Variants in DCHS2 observed in about 807,000 individuals in gnomAD.
DCHS2 encodes dachsous cadherin-related 2, also known as protocadherin-23.
Under a neutral mutation model 182.4 loss-of-function variants are expected in DCHS2, and 142 were observed. That is an observed-to-expected ratio of 0.78 (90% CI 0.68 to 0.89). DCHS2 has a LOEUF of 0.89. Ranked by LOEUF, DCHS2 falls within the 40% of genes least tolerant of loss-of-function variation. The pLI is 0.00. For synonymous variants in DCHS2, 1,740 were observed against 1,663.3 expected (o/e 1.05, Z -1.12); for missense variants, 4,319 against 4,198.6 (o/e 1.03, Z -0.79).
chr4:154,242,401 AGATACTATAAGG>A (rs927514946), intron 17 of DCHS2, among the ~76,000 whole-genome samples: 7 of 152,194 alleles, frequency 4.6e-5, no homozygotes, highest in African/African-American at 1.7e-4. Flanking sequence ...CATTATAAAC[AGATACTATAAGG>A]GATGATGGTT....
At chr4:154,351,949 A>G (rs1729637846) in intron 3 of DCHS2, among the ~76,000 whole-genome samples, 1 of 152,002 alleles carries the variant, frequency 6.6e-6, no homozygotes. Context: ...GCATTTTGCT[A>G]TTTCTATGAA....
At chr4:154,326,611 T>C (rs2111348908) in intron 7 of DCHS2, among the ~76,000 whole-genome samples, 1 of 152,316 alleles carries the variant, frequency 6.6e-6, no homozygotes, top group African/African-American at 2.4e-5. Flanking sequence ...AGAGTAGAGA[T>C]ATTTTTCCTT....
At chr4:154,415,693 G>A (rs1022104285) in intron 1 of DCHS2, among the ~76,000 whole-genome samples, 5 of 152,156 alleles carry the variant, frequency 3.3e-5, no homozygotes, top group African/African-American at 1.2e-4. Flanking sequence ...GCGTCAGTAA[G>A]ATGGAGCTAA....
chr4:154,252,253 A>G (rs1420055086), intron 16 of DCHS2, among the ~76,000 whole-genome samples: 1 of 152,210 alleles, frequency 6.6e-6, no homozygotes, highest in Non-Finnish European at 1.5e-5. Context: ...TGCAATGTGT[A>G]TCAATTACAT....
At chr4:154,351,616 C>T (rs186986413) in intron 3 of DCHS2, among the ~76,000 whole-genome samples, 11 of 152,212 alleles carry the variant, frequency 7.2e-5, no homozygotes, top group African/African-American at 2.4e-4. Context: ...GGACCGGTTT[C>T]GTGGAAGACA....
In DCHS2 at chr4:154,329,536, T is replaced by C; in HGVS notation, c.3905A>G (p.Glu1302Gly). ...TTCTTCACAAACCTTCACGTGTAAC[T>C]CCTTTCCAGGGAGACACTGGGGGAA... ...PFFPQCLPGK[E>G]LHVKVLEGQP... Residue 1302 changes from glutamate (E) to glycine (G), a missense_variant, in exon 6 of 20, where the codon GAG (glutamate) becomes GGG (glycine). Coordinates refer to ENST00000357232, the MANE Select transcript of DCHS2 (RefSeq NM_001358235.2). The C allele has an allele frequency of 1.2e-6, 2 of 1,613,426 alleles. No individual in the cohort carries two copies. The highest frequency in any genetic ancestry group is 1.7e-6 in the Non-Finnish European group (2 of 1,179,662).
intron 3 of DCHS2, among the ~76,000 whole-genome samples, chr4:154,342,817 A>T (rs1729170954): frequency 1.3e-5 from 2 of 152,180 alleles, no homozygotes; most frequent in African/African-American, 4.8e-5. Flanking sequence ...CATGAATCAC[A>T]AATGTTCTTA....
intron 2 of DCHS2, among the ~76,000 whole-genome samples, chr4:154,369,392 G>A (rs1293148258): frequency 1.3e-5 from 2 of 152,220 alleles, no homozygotes; most frequent in African/African-American, 4.8e-5. Flanking sequence ...CTCTTTGAAA[G>A]AAACATATTG....
intron 4 of DCHS2, 193 bp downstream of exon 4, chr4:154,334,675 G>T: frequency 5.5e-6 from 3 of 549,396 alleles, no homozygotes; most frequent in Non-Finnish European, 9.7e-6. Flanking sequence ...TTATTTTTGT[G>T]ATCAGAAAAA....
Position 154,259,562 on chromosome 4 carries a change from T to G in DCHS2, c.6772A>C (p.Asn2258His). 2.5e-6 allele frequency: 4 copies of G among 1,613,858 alleles called. No homozygotes were observed. Among genetic ancestry groups the G allele is most frequent in the Non-Finnish European group, 3.4e-6 (4 of 1,179,984 alleles). Reference protein sequence around the residue: ...QASVSESQLYNAHVIQVFATD... With the variant: ...QASVSESQLYHAHVIQVFATD... ...TCTGTTACCTGTATGACATGAGCAT[T>G]GTAGAGTTGGCTTTCAGACACTGAT... is the stretch of plus-strand genomic sequence containing the variant. The change falls in exon 15 of 20, where the codon AAT (asparagine) becomes CAT (histidine). Residue 2258 changes from asparagine (N) to histidine (H), a missense_variant. By Grantham distance (68) the Asn-to-His change is moderately conservative (BLOSUM62 1). Coordinates refer to ENST00000357232, the MANE Select transcript of DCHS2 (RefSeq NM_001358235.2).
In DCHS2 at chr4:154,489,293, G is replaced by A; in HGVS notation, c.2052+11C>T. ...AGCCTTCAGGTTGGCCCACAGGCCT[G>A]ATGCACTCACCTGCAGAAAGCAGTG... On this transcript the variant is annotated intron_variant, in intron 1 of 19. Transcript: ENST00000357232. The A allele has an allele frequency of 6.7e-7, 1 of 1,500,132 alleles. No individual in the cohort carries two copies. Among genetic ancestry groups the A allele is most frequent in the Non-Finnish European group, 9.0e-7 (1 of 1,116,318 alleles). The allele number at this position is 1,500,132 out of a possible 1,614,324, so 92.9% of individuals were successfully genotyped here.
intron 10 of DCHS2, among the ~76,000 whole-genome samples, chr4:154,314,555 T>G (rs921678087): frequency 2.0e-5 from 3 of 152,164 alleles, no homozygotes; most frequent in Non-Finnish European, 4.4e-5. Flanking sequence ...ATGCATTTCA[T>G]TAAAAGACAG....
intron 1 of DCHS2, among the ~76,000 whole-genome samples, chr4:154,467,353 A>G (rs1286920835): frequency 6.6e-6 from 1 of 152,180 alleles, no homozygotes; most frequent in African/African-American, 2.4e-5. Flanking sequence ...CCAGGCATGA[A>G]ATGATACCAG....
At chr4:154,325,071 CA>C in intron 7 of DCHS2, among the ~76,000 whole-genome samples, 1 of 152,112 alleles carries the variant, frequency 6.6e-6, no homozygotes, top group South Asian at 2.1e-4. Context: ...CGATGAACAC[CA>C]AAGTATCACT....
Position 154,298,606 on chromosome 4 carries a change from A to T in DCHS2, c.5708T>A (p.Ile1903Asn). 1 of 1,614,122 alleles carries T rather than the reference A, an allele frequency of 6.2e-7. No individual in the cohort carries two copies. ...TGGATCTCCCAGGTCAGAGCACAGA[A>T]TGACAAGGGTAAAATTGCTGATTTG... ...REQISNFTLVILCSDLGDPPR... is the reference protein window; with the variant it reads ...REQISNFTLVNLCSDLGDPPR... The change falls in exon 13 of 20, where the codon ATT becomes AAT. Residue 1903 changes from isoleucine (I) to asparagine (N), a missense_variant. Ile to Asn is a moderately radical substitution (Grantham distance 149, BLOSUM62 -3). Transcript: ENST00000357232.
chr4:154,449,404 C>G (rs1734441490), intron 1 of DCHS2, among the ~76,000 whole-genome samples: 1 of 150,772 alleles, frequency 6.6e-6, no homozygotes, highest in Admixed American at 6.6e-5. Context: ...AGACAGTGTT[C>G]CTGTCGCTCA....
chr4:154,451,361 C>T (rs1364882646), intron 1 of DCHS2, among the ~76,000 whole-genome samples: 3 of 152,170 alleles, frequency 2.0e-5, no homozygotes, highest in Non-Finnish European at 4.4e-5. Context: ...TTACTACGCT[C>T]ATCATGAACA....
chr4:154,368,139 G>A (rs533282670), intron 2 of DCHS2, among the ~76,000 whole-genome samples: 1 of 152,226 alleles, frequency 6.6e-6, no homozygotes, highest in African/African-American at 2.4e-5. Flanking sequence ...TTAAAATGCA[G>A]GGTCGCCCTA....
chr4:154,280,310 G>A (rs543251457), intron 13 of DCHS2, among the ~76,000 whole-genome samples: 1 of 152,188 alleles, frequency 6.6e-6, no homozygotes, highest in Admixed American at 6.5e-5. Context: ...AAAAATTAAT[G>A]TCAATTCTTC....
Sources: allele counts gnomAD v4.1 joint callset (sites outside exome capture counted in the v4.1 genomes callset), GRCh38; gene constraint gnomAD v4.1.1; transcripts MANE v1.5; gene names NCBI Gene and HGNC (gene_info 2026-07-23, HGNC 2026-07-21).